VGF: variants seen among roughly 807,000 people sequenced by gnomAD.
VGF encodes neurosecretory protein VGF.
In VGF, 13 loss-of-function variants were observed where a neutral mutation model predicts 41.1. That is an observed-to-expected ratio of 0.32 (90% CI 0.21 to 0.50). The LOEUF is 0.50. Among genes scored for constraint, VGF ranks in the 20% least tolerant of loss-of-function variants. The pLI, the probability that VGF is intolerant of heterozygous loss-of-function variation, is 0.98. For missense variants in VGF, 920 were observed against 882.1 expected, an observed-to-expected ratio of 1.04 and a Z score of -0.54; for synonymous variants, 473 against 418.3, an observed-to-expected ratio of 1.13 and a Z score of -1.60.
At chr7:101,167,443 C>T (rs1394063027), upstream of VGF, among the ~76,000 whole-genome samples, 2 of 152,230 alleles carry the variant, frequency 1.3e-5, no homozygotes, top group Non-Finnish European at 2.9e-5. The surrounding 1 kb of genome is among the most constrained non-coding windows in gnomAD (Gnocchi z 4.2). Context: ...CCACGCACAA[C>T]TAACCACGGC....
chr7:101,166,495 T>A (rs902455456), upstream of VGF, among the ~76,000 whole-genome samples: 2 of 124,754 alleles, frequency 1.6e-5, no homozygotes, highest in East Asian at 5.6e-4. Flanking sequence ...CCAGAGCAGG[T>A]GGGGAGGGGG....
In VGF at chr7:101,164,138, G is replaced by A. The variant is rs114812819; in HGVS notation, c.706C>T (p.Pro236Ser). The A allele has an allele frequency of 1.3e-4, 192 of 1,504,332 alleles. No homozygotes were observed. The African/African-American group carries it at 2.4e-3, about 19-fold the overall frequency. The allele number at this position is 1,504,332 out of a possible 1,614,324, so 93.2% of individuals were successfully genotyped here. The part of the protein sequence containing the change: ...PAPSQFQARM[P>S]DSGPLPETHK... ...GTTTCGGGAAGGGGCCCGCTGTCGG[G>A]CATACGCGCCTGGAATTGAGAGGGG... is the stretch of plus-strand genomic sequence containing the variant. The change falls in exon 2 of 2, where the codon CCC becomes TCC. Residue 236 changes from proline to serine, a missense_variant. Transcript: ENST00000249330.
upstream of VGF, chr7:101,165,654 C>A: frequency 1.0e-6 from 1 of 985,400 alleles, no homozygotes; most frequent in Non-Finnish European, 1.2e-6. Context: ...CGTCAATGTT[C>A]ATTCATGGGG....
chr7:101,163,557 C>T lies in VGF; in HGVS notation c.1287G>A (p.Arg429=). ...RSQEETPGHR[R]KEAEGTEEGG... Reference sequence around the variant, plus strand: ...CCTCCTCTGTCCCCTCGGCCTCCTTCCGCCGGTGGCCCGGCGTCTCCTCCT... The same window carrying T: ...CCTCCTCTGTCCCCTCGGCCTCCTTTCGCCGGTGGCCCGGCGTCTCCTCCT... Residue 429 remains arginine (R), a synonymous_variant, in exon 2 of 2, where the codon CGG becomes CGA. Coordinates refer to ENST00000249330, the MANE Select transcript of VGF (RefSeq NM_003378.4). This position sits in a 1 kb window ranked among gnomAD's most constrained non-coding sequence, Gnocchi z 5.0. 2 of 1,592,916 alleles carry T rather than the reference C, an allele frequency of 1.3e-6. No individual in the cohort carries two copies. Among genetic ancestry groups the T allele is most frequent in the Non-Finnish European group, 1.7e-6 (2 of 1,169,580 alleles).
At position 101,164,648 on chromosome 7, in the gene VGF, C is replaced by T. The variant is rs1378225544; in HGVS notation, c.196G>A (p.Glu66Lys). Residue 66 changes from glutamate to lysine, a missense_variant, in exon 2 of 2, where the codon GAG becomes AAG. By Grantham distance (56) the Glu-to-Lys change is moderately conservative (BLOSUM62 1). This residue lies in a region of VGF where 654 missense variants were observed against 638.4 expected (regional missense o/e 1.02). Coordinates refer to ENST00000249330, the MANE Select transcript of VGF (RefSeq NM_003378.4). ...APEVRGARNS[E>K]PQDEGELFQG... ...AAAAGCTCTCCCTCGTCCTGCGGCT[C>T]GGAATTCCGAGCGCCTCGGACCTCT... 6.3e-7 allele frequency: 1 copy of T among 1,593,584 alleles called. No homozygotes were observed. Among genetic ancestry groups the T allele is most frequent in the Non-Finnish European group, 8.5e-7 (1 of 1,170,304 alleles).
Position 101,164,644 on chromosome 7 carries a change from G to A in VGF, c.200C>T (p.Pro67Leu). ...CTGGAAAAGCTCTCCCTCGTCCTGCGGCTCGGAATTCCGAGCGCCTCGGAC... is the reference window on the plus strand; with the variant it reads ...CTGGAAAAGCTCTCCCTCGTCCTGCAGCTCGGAATTCCGAGCGCCTCGGAC... ...PEVRGARNSE[P>L]QDEGELFQGV... The change falls in exon 2 of 2, where the codon CCG becomes CTG. Residue 67 changes from proline (P) to leucine (L), a missense_variant. Around this residue, in one of 3 missense-constraint regions of VGF, gnomAD observed 654 missense variants for 638.4 expected, o/e 1.02. Transcript: ENST00000249330. 2 of 1,594,640 alleles carry A rather than the reference G, an allele frequency of 1.3e-6. No individual in the cohort carries two copies. Among genetic ancestry groups the A allele is most frequent in the Non-Finnish European group, 1.7e-6 (2 of 1,170,704 alleles).
rs759879896 is a variant in VGF, at chr7:101,163,973, C to T, written c.871G>A (p.Glu291Lys). ...RPESALLGGSEAGERLLQQGL... is the reference protein window; with the variant it reads ...RPESALLGGSKAGERLLQQGL... ...TGCTGGAGAAGGCGCTCGCCCGCCT[C>T]GGAGCCGCCCAGGAGTGCGCTCTCC... Residue 291 changes from glutamate (E) to lysine (K), a missense_variant, in exon 2 of 2, where the codon GAG becomes AAG. Physicochemically the swap from Glu to Lys is moderately conservative, Grantham distance 56 (BLOSUM62 1). Around this residue, in one of 3 missense-constraint regions of VGF, gnomAD observed 654 missense variants for 638.4 expected, o/e 1.02. Coordinates refer to ENST00000249330, the MANE Select transcript of VGF (RefSeq NM_003378.4). The surrounding 1 kb of genome is among the most constrained non-coding windows in gnomAD (Gnocchi z 5.0). 6.8e-7 allele frequency: 1 copy of T among 1,465,610 alleles called. No individual in the cohort carries two copies. Among genetic ancestry groups the T allele is most frequent in the Non-Finnish European group, 8.9e-7 (1 of 1,124,382 alleles). The allele number at this position is 1,465,610 out of a possible 1,614,324, so 90.8% of individuals were successfully genotyped here. A position where few individuals can be genotyped will look rare whatever the true frequency, so the allele number is the denominator to read the frequency against.
chr7:101,165,531 C>G lies in VGF; in HGVS notation c.-178G>C. ...TGGGCTGGGCTCAGCTGGGTCGGCG[C>G]GGCTCCGGGCGGCTAGCTCGCTCCG... On this transcript the variant is annotated 5_prime_UTR_variant, in exon 1 of 2. Coordinates refer to ENST00000249330, the MANE Select transcript of VGF (RefSeq NM_003378.4). The G allele has an allele frequency of 1.0e-6, 1 of 985,432 alleles. No homozygotes were observed. The highest frequency in any genetic ancestry group is 1.2e-6 in the Non-Finnish European group (1 of 829,938). The allele number at this position is 985,432 out of a possible 1,614,324, so 61.0% of individuals were successfully genotyped here.
chr7:101,165,988 A>T (rs1230716075), upstream of VGF, among the ~76,000 whole-genome samples: 1 of 152,170 alleles, frequency 6.6e-6, no homozygotes, highest in Non-Finnish European at 1.5e-5. Context: ...TGCTGAGTGG[A>T]ATAGAAAAAG....
upstream of VGF, among the ~76,000 whole-genome samples, chr7:101,169,688 A>G (rs1797275353): frequency 6.6e-6 from 1 of 152,134 alleles, no homozygotes; most frequent in African/African-American, 2.4e-5. Flanking sequence ...ACACTCGACA[A>G]TACACACAAG....
chr7:101,164,973 C>T (rs1002182315), intron 1 of VGF, 110 bp from the exon 2 acceptor site: 8 of 1,406,346 alleles, frequency 5.7e-6, no homozygotes, highest in Non-Finnish European at 7.4e-6. Context: ...TTCCCTGATC[C>T]CCCAAACCTT....
Position 101,164,256 on chromosome 7 carries a change from A to T in VGF, c.588T>A (p.Asn196Lys), listed in dbSNP as rs769533459. 1 of 1,598,072 alleles carries T rather than the reference A, an allele frequency of 6.3e-7. No homozygotes were observed. Among genetic ancestry groups the T allele is most frequent in the African/African-American group, 1.3e-5 (1 of 74,796 alleles). Residue 196 changes from asparagine to lysine, a missense_variant, in exon 2 of 2, where the codon AAT (asparagine) becomes AAA (lysine). Around this residue, in one of 3 missense-constraint regions of VGF, gnomAD observed 654 missense variants for 638.4 expected, o/e 1.02. Coordinates refer to ENST00000249330, the MANE Select transcript of VGF (RefSeq NM_003378.4). The stretch of plus-strand genomic sequence containing the variant: ...CGCGCTCTGGCCCCGGGCTCTCCAG[A>T]TTCACTCGGGTCAGCGTGTGCGTGC... ...ETRTHTLTRV[N>K]LESPGPERVW... is the part of the protein sequence containing the mutation.
chr7:101,165,497 G>A lies in VGF; in HGVS notation c.-144C>T. The A allele has an allele frequency of 1.0e-6, 1 of 985,480 alleles. No individual in the cohort carries two copies. The highest frequency in any genetic ancestry group is 1.2e-6 in the Non-Finnish European group (1 of 829,958). 61.0% of individuals were successfully genotyped at this position (985,480 alleles called of 1,614,324 possible). ...GGGGTAGGAGCGACGGTCGAGGTCT[G>A]GCGTCCCGTGGGCTGGGCTCAGCTG... On this transcript the variant is annotated 5_prime_UTR_variant, in exon 1 of 2. Coordinates refer to ENST00000249330, the MANE Select transcript of VGF (RefSeq NM_003378.4).
upstream of VGF, among the ~76,000 whole-genome samples, chr7:101,169,058 G>A (rs530199738): frequency 7.2e-5 from 11 of 152,176 alleles, no homozygotes; most frequent in South Asian, 2.3e-3. Flanking sequence ...GGAAGGGACT[G>A]AGGGGTGGGC....
In VGF at chr7:101,162,838, G is replaced by T; in HGVS notation, c.*158C>A. On this transcript the variant is annotated 3_prime_UTR_variant, in exon 2 of 2. Coordinates refer to ENST00000249330, the MANE Select transcript of VGF (RefSeq NM_003378.4). The surrounding 1 kb of genome is among the most constrained non-coding windows in gnomAD (Gnocchi z 4.2). ...GGAGTTCGGGCTCAGGACCCGGGAG[G>T]GGGGTCTGGCAGGTCCCGACGCAGC... 7.5e-6 allele frequency: 5 copies of T among 669,008 alleles called. No homozygotes were observed. In the South Asian group the frequency reaches 7.5e-5, roughly 10 times the overall value. 41.4% of individuals were successfully genotyped at this position (669,008 alleles called of 1,614,324 possible).
chr7:101,169,468 A>ACACCCACT (rs1797272506), upstream of VGF, among the ~76,000 whole-genome samples: 1 of 152,132 alleles, frequency 6.6e-6, no homozygotes, highest in Non-Finnish European at 1.5e-5. Context: ...TGAGATTCGG[A>ACACCCACT]GACACACCCA....
upstream of VGF, among the ~76,000 whole-genome samples, chr7:101,168,267 G>C (rs1435936045): frequency 6.6e-6 from 1 of 152,138 alleles, no homozygotes; most frequent in Non-Finnish European, 1.5e-5. Flanking sequence ...TCGTGAGGGA[G>C]CGGGGTGGAT....
rs1351802148 is a variant in VGF at position 101,164,568 on chromosome 7, A to G, written c.276T>C (p.Arg92=). ...CGCTTGGTGCCGGGGGTGAGGCGGG[A>G]CGGTCGAGTGCCTGCAGCAGCACCG... ...LAAVLLQALD[R]PASPPAPSGS... is the part of the protein sequence containing the mutation. The change falls in exon 2 of 2, where the codon CGT becomes CGC. Residue 92 remains arginine, a synonymous_variant. Transcript: ENST00000249330. The G allele has an allele frequency of 1.9e-6, 3 of 1,599,344 alleles. No homozygotes were observed. Among genetic ancestry groups the G allele is most frequent in the Non-Finnish European group, 2.5e-6 (3 of 1,177,318 alleles).
rs1344012863 is a variant in VGF at position 101,163,280 on chromosome 7, C to A, written c.1564G>T (p.Asp522Tyr). 1 of 1,501,370 alleles carries A rather than the reference C, an allele frequency of 6.7e-7. No homozygotes were observed. Among genetic ancestry groups the A allele is most frequent in the Middle Eastern group, 2.0e-4 (1 of 4,898 alleles). 93.0% of individuals were successfully genotyped at this position (1,501,370 alleles called of 1,614,324 possible). A position where few individuals can be genotyped will look rare whatever the true frequency, so the allele number is the denominator to read the frequency against. The change falls in exon 2 of 2, where the codon GAC (aspartate) becomes TAC (tyrosine). Residue 522 changes from aspartate to tyrosine, a missense_variant. By Grantham distance (160) the Asp-to-Tyr change is radical. Coordinates refer to ENST00000249330, the MANE Select transcript of VGF (RefSeq NM_003378.4). The surrounding 1 kb of genome is among the most constrained non-coding windows in gnomAD (Gnocchi z 5.0). Reference sequence around the variant, plus strand: ...CAGGGCGGGAGCACCTCGTTCCAGTCCGGCAGCTCGTCTCGTGCGGGAGCG... The same window carrying A: ...CAGGGCGGGAGCACCTCGTTCCAGTACGGCAGCTCGTCTCGTGCGGGAGCG... ...APAPARDELP[D>Y]WNEVLPPWDR...
Sources: gnomAD v4.1 joint callset for allele counts (sites outside exome capture counted in the v4.1 genomes callset) on GRCh38, gnomAD v4.1.1 for gene constraint, gnomAD v4.1.1 regional missense constraint, Gnocchi (gnomAD v3.1) non-coding constraint, MANE v1.5 for transcripts, NCBI Gene and HGNC (gene_info 2026-07-23, HGNC 2026-07-21) for gene names.